EIF2B3: variants seen among roughly 807,000 people sequenced by gnomAD.
The protein encoded by EIF2B3 is translation initiation factor eIF2B subunit gamma.
Under a neutral mutation model 54.1 loss-of-function variants are expected in EIF2B3, and 20 were observed. The ratio of observed to expected loss-of-function variants is 0.37; its 90% CI spans 0.26 to 0.54. The LOEUF (loss-of-function observed/expected upper bound fraction) is 0.54. Ranked by LOEUF, EIF2B3 falls within the 20% of genes least tolerant of loss-of-function variation. The probability of loss-of-function intolerance (pLI) is 0.86; values close to 1 mark genes in which losing one functional copy is unlikely to be tolerated. For synonymous variants in EIF2B3, 153 were observed against 188.1 expected, an observed-to-expected ratio of 0.81 and a Z score of 1.52; for missense variants, 448 against 547.8, an observed-to-expected ratio of 0.82 and a Z score of 1.82.
chr1:44,925,481 C>T (rs1401688520), intron 5 of EIF2B3, among the ~76,000 whole-genome samples: 3 of 152,000 alleles, frequency 2.0e-5, no homozygotes, highest in Non-Finnish European at 4.4e-5. Flanking sequence ...AAAGTAGAAT[C>T]GTGGGTAGCA....
At chr1:44,915,530 T>TA (rs989186900) in intron 5 of EIF2B3, among the ~76,000 whole-genome samples, 36 of 150,840 alleles carry the variant, frequency 2.4e-4, no homozygotes, top group African/African-American at 5.3e-4. Context: ...CCCAGCGAAT[T>TA]AAAAAAAAAT....
intron 3 of EIF2B3, among the ~76,000 whole-genome samples, chr1:44,966,867 G>A (rs995162476): frequency 6.6e-6 from 1 of 152,114 alleles, no homozygotes; most frequent in Admixed American, 6.5e-5. Flanking sequence ...CTGTTGCCAG[G>A]CTGGAGTGCA....
At chr1:44,876,644 A>G (rs1445170970) in intron 8 of EIF2B3, among the ~76,000 whole-genome samples, 1 of 96,414 alleles carries the variant, frequency 1.0e-5, no homozygotes, top group Admixed American at 1.2e-4. Flanking sequence ...GGCCGCCCCT[A>G]CTGGGAAGTG....
intron 3 of EIF2B3, among the ~76,000 whole-genome samples, chr1:44,962,588 T>A (rs1265665796): frequency 6.6e-6 from 1 of 152,060 alleles, no homozygotes; most frequent in Non-Finnish European, 1.5e-5. Flanking sequence ...TCTAAAAAAA[T>A]TTGTGTAGCG....
At chr1:44,886,034 C>T (rs562622459) in intron 6 of EIF2B3, among the ~76,000 whole-genome samples, 30 of 150,234 alleles carry the variant, frequency 2.0e-4, no homozygotes, top group South Asian at 1.3e-3. Context: ...CGTAAGCTAC[C>T]GTGCCTGGCC....
intron 5 of EIF2B3, among the ~76,000 whole-genome samples, chr1:44,926,380 T>A (rs1197809012): frequency 1.3e-5 from 2 of 152,156 alleles, no homozygotes; most frequent in Admixed American, 1.3e-4. Context: ...GACAGTCCTG[T>A]TCTCCTCACA....
intron 4 of EIF2B3, among the ~76,000 whole-genome samples, chr1:44,931,401 T>C (rs1643895929): frequency 6.6e-6 from 1 of 152,234 alleles, no homozygotes; most frequent in Non-Finnish European, 1.5e-5. Flanking sequence ...AGCTAAGTCA[T>C]GCCTGGATTC....
At chr1:44,857,113 C>G (rs551768117) in intron 11 of EIF2B3, among the ~76,000 whole-genome samples, 2 of 152,222 alleles carry the variant, frequency 1.3e-5, no homozygotes, top group East Asian at 3.9e-4. Context: ...AGTATTGGTG[C>G]CAACCTGGGC....
At chr1:44,894,324 A>G (rs1569643152) in intron 6 of EIF2B3, among the ~76,000 whole-genome samples, 1 of 152,298 alleles carries the variant, frequency 6.6e-6, no homozygotes, top group East Asian at 1.9e-4. Flanking sequence ...CTAAATTCTC[A>G]TCAAAGAGAG....
intron 11 of EIF2B3, among the ~76,000 whole-genome samples, chr1:44,854,249 C>T (rs1009601579): frequency 3.3e-5 from 5 of 152,010 alleles, no homozygotes; most frequent in Admixed American, 1.3e-4. Context: ...GTGATCCACT[C>T]GCCTTGGTCT....
chr1:44,958,516 T>C, intron 3 of EIF2B3: 1 of 1,176,670 alleles, frequency 8.5e-7, no homozygotes, highest in Non-Finnish European at 1.2e-6. Flanking sequence ...GTTTTTCTTT[T>C]ATGGGCTGTC....
chr1:44,919,769 T>C (rs890668001), intron 5 of EIF2B3, among the ~76,000 whole-genome samples: 9 of 147,248 alleles, frequency 6.1e-5, no homozygotes, highest in African/African-American at 2.3e-4. Context: ...CAGGCTGCAG[T>C]GCAGTGGTGC....
chr1:44,879,852 C>T lies in EIF2B3; in HGVS notation c.941G>A (p.Ser314Asn). 1 of 1,614,136 alleles carries T rather than the reference C, an allele frequency of 6.2e-7. No homozygotes were observed. Among genetic ancestry groups the T allele is most frequent in the Non-Finnish European group, 8.5e-7 (1 of 1,180,038 alleles). ...TGCTTCCATGTAGAGTCCCAGTGTGCTCACTCGAGAGCAGAGCCCCTCTTT... is the reference window on the plus strand; with the variant it reads ...TGCTTCCATGTAGAGTCCCAGTGTGTTCACTCGAGAGCAGAGCCCCTCTTT... ...IMKEGLCSRV[S>N]TLGLYMEANR... The change falls in exon 8 of 12, where the codon AGC (serine) becomes AAC (asparagine). Residue 314 changes from serine (S) to asparagine (N), a missense_variant. This residue lies in a region of EIF2B3 where 350 missense variants were observed against 414.2 expected (regional missense o/e 0.85). Coordinates refer to ENST00000360403, the MANE Select transcript of EIF2B3 (RefSeq NM_020365.5).
chr1:44,955,610 A>G (rs1044702782), intron 3 of EIF2B3, among the ~76,000 whole-genome samples: 3 of 152,176 alleles, frequency 2.0e-5, no homozygotes, highest in Non-Finnish European at 2.9e-5. Flanking sequence ...TTTGCAATCT[A>G]TCCATCTGAC....
At chr1:44,896,213 T>G (rs1308318646) in intron 6 of EIF2B3, among the ~76,000 whole-genome samples, 1 of 151,888 alleles carries the variant, frequency 6.6e-6, no homozygotes, top group Non-Finnish European at 1.5e-5. Flanking sequence ...GTAGATGGAA[T>G]GAAAACATTT....
At chr1:44,895,294 A>C (rs1655931540) in intron 6 of EIF2B3, among the ~76,000 whole-genome samples, 1 of 152,052 alleles carries the variant, frequency 6.6e-6, no homozygotes, top group South Asian at 2.1e-4. Context: ...TACACACACC[A>C]TTGTGTTACA....
intron 10 of EIF2B3, among the ~76,000 whole-genome samples, chr1:44,870,256 G>T (rs933707930): frequency 1.3e-5 from 2 of 152,140 alleles, no homozygotes; most frequent in East Asian, 3.9e-4. Flanking sequence ...TTATCTCTGG[G>T]TCTGACCTCT....
chr1:44,947,240 T>C (rs553518357), intron 3 of EIF2B3, among the ~76,000 whole-genome samples: 44 of 152,256 alleles, frequency 2.9e-4, no homozygotes, highest in African/African-American at 9.9e-4. Flanking sequence ...CTCTTGACAA[T>C]ATAGAAACAT....
In EIF2B3 at chr1:44,986,498, T is replaced by C. The variant is rs904273010; in HGVS notation, c.-15A>G. Reference sequence around the variant, plus strand: ...GGCCCCACCGCACTGCTCACCCGGGTCAGCCAGCTTGTGTGCGGCCTGGCA... The same window carrying C: ...GGCCCCACCGCACTGCTCACCCGGGCCAGCCAGCTTGTGTGCGGCCTGGCA... On this transcript the variant is annotated 5_prime_UTR_variant, in exon 1 of 12. Transcript: ENST00000360403. 1 of 152,408 alleles carries C rather than the reference T, an allele frequency of 6.6e-6. No individual in the cohort carries two copies. The highest frequency in any genetic ancestry group is 2.4e-5 in the African/African-American group (1 of 41,430). The allele number at this position is 152,408 out of a possible 1,614,324, so 9.4% of individuals were successfully genotyped here.
Sources: allele counts gnomAD v4.1 joint callset (sites outside exome capture counted in the v4.1 genomes callset), GRCh38; gene constraint gnomAD v4.1.1; regional missense constraint gnomAD v4.1.1; transcripts MANE v1.5; gene names NCBI Gene and HGNC (gene_info 2026-07-23, HGNC 2026-07-21).